The following IMMP1L variants were observed in gnomAD, a reference collection of about 807,000 sequenced individuals.
IMMP1L encodes mitochondrial inner membrane protease subunit 1.
A neutral mutation model predicts 21.8 loss-of-function variants in IMMP1L; 24 were observed. The ratio of observed to expected loss-of-function variants is 1.10; its 90% CI spans 0.80 to 1.55. The LOEUF is 1.55. Among genes scored for constraint, IMMP1L ranks in the 40% most tolerant of loss-of-function variants. IMMP1L has a pLI of 0.00. For synonymous variants in IMMP1L, 46 were observed against 62.8 expected, an observed-to-expected ratio of 0.73 and a Z score of 1.26; for missense variants, 195 against 200.7, an observed-to-expected ratio of 0.97 and a Z score of 0.17.
chr11:31,439,099 G>C (rs1001907318), intron 4 of IMMP1L, among the ~76,000 whole-genome samples: 5 of 151,902 alleles, frequency 3.3e-5, no homozygotes, highest in African/African-American at 7.3e-5. Context: ...TGTCTTCCCT[G>C]GTTTGATTTT....
chr11:31,461,961 T>C (rs1055376731), intron 2 of IMMP1L, among the ~76,000 whole-genome samples: 1 of 152,088 alleles, frequency 6.6e-6, no homozygotes, highest in African/African-American at 2.4e-5. Flanking sequence ...TAGGAGGAAA[T>C]ACAATTACAG....
intron 1 of IMMP1L, among the ~76,000 whole-genome samples, chr11:31,469,182 T>A (rs866501307): frequency 6.6e-6 from 1 of 152,082 alleles, no homozygotes; most frequent in Non-Finnish European, 1.5e-5. Context: ...CCAAAGATTA[T>A]AAGCATGCTA....
chr11:31,500,580 C>G (rs534112495), intron 1 of IMMP1L, among the ~76,000 whole-genome samples: 9 of 147,954 alleles, frequency 6.1e-5, no homozygotes, highest in African/African-American at 2.3e-4. Context: ...CTCCAAAAAT[C>G]TGTTCCACAT....
chr11:31,494,804 C>T (rs1955380406), intron 1 of IMMP1L, among the ~76,000 whole-genome samples: 1 of 152,108 alleles, frequency 6.6e-6, no homozygotes, highest in Admixed American at 6.6e-5. Context: ...CGCCACCACG[C>T]CCAGCTAATT....
At chr11:31,435,348 TG>T (rs1251810823) in intron 4 of IMMP1L, among the ~76,000 whole-genome samples, 1 of 152,154 alleles carries the variant, frequency 6.6e-6, no homozygotes, top group African/African-American at 2.4e-5. Context: ...CAGCCTTGCT[TG>T]GGGCCCTACA....
intron 2 of IMMP1L, 35 bp downstream of exon 2, chr11:31,463,137 A>G: frequency 6.5e-7 from 1 of 1,529,398 alleles, no homozygotes; most frequent in Non-Finnish European, 8.9e-7. Context: ...GAAAGTATAT[A>G]TTTAAGATGA....
chr11:31,469,338 A>G (rs1954467834), intron 1 of IMMP1L, among the ~76,000 whole-genome samples: 1 of 152,214 alleles, frequency 6.6e-6, no homozygotes, highest in African/African-American at 2.4e-5. Context: ...ACACTTTAAA[A>G]TAACTATGAT....
intron 4 of IMMP1L, among the ~76,000 whole-genome samples, chr11:31,448,631 C>T (rs1953622885): frequency 6.6e-6 from 1 of 152,186 alleles, no homozygotes; most frequent in Non-Finnish European, 1.5e-5. Flanking sequence ...GTGAGCAACA[C>T]ATACAAATTT....
intron 1 of IMMP1L, among the ~76,000 whole-genome samples, chr11:31,487,214 A>G (rs1279549391): frequency 1.3e-5 from 2 of 151,976 alleles, no homozygotes; most frequent in African/African-American, 4.8e-5. Flanking sequence ...TTTAATAAGG[A>G]AGAAATAAGT....
At chr11:31,486,057 CTT>C (rs941684097) in intron 1 of IMMP1L, among the ~76,000 whole-genome samples, 1 of 144,014 alleles carries the variant, frequency 6.9e-6, no homozygotes, top group African/African-American at 2.5e-5. Context: ...TTTTTTTTCC[CTT>C]TTTTTTTTTG....
At chr11:31,501,114 G>A (rs1049812635) in intron 1 of IMMP1L, among the ~76,000 whole-genome samples, 4 of 152,198 alleles carry the variant, frequency 2.6e-5, no homozygotes, top group Admixed American at 1.3e-4. Flanking sequence ...GTACTGGACA[G>A]TGCAGATACA....
At chr11:31,448,172 G>C (rs1307797224) in intron 4 of IMMP1L, among the ~76,000 whole-genome samples, 1 of 152,148 alleles carries the variant, frequency 6.6e-6, no homozygotes, top group Non-Finnish European at 1.5e-5. Context: ...AGCCGGGCAT[G>C]GTGGCAAGCG....
At chr11:31,465,331 T>C (rs563624950) in intron 1 of IMMP1L, among the ~76,000 whole-genome samples, 44 of 152,180 alleles carry the variant, frequency 2.9e-4, no homozygotes, top group African/African-American at 9.4e-4. Flanking sequence ...AGACAGCCCA[T>C]ACTCATGGAT....
intron 1 of IMMP1L, among the ~76,000 whole-genome samples, chr11:31,492,541 G>A (rs1163918814): frequency 1.3e-5 from 2 of 152,086 alleles, no homozygotes; most frequent in Non-Finnish European, 2.9e-5. Context: ...CCTACCTCTT[G>A]GCCTGTCTCA....
intron 4 of IMMP1L, among the ~76,000 whole-genome samples, chr11:31,441,085 G>A (rs1953309933): frequency 6.6e-6 from 1 of 152,090 alleles, no homozygotes; most frequent in Non-Finnish European, 1.5e-5. Flanking sequence ...GTGTATAACT[G>A]TAAAATTTTT....
chr11:31,507,062 G>A (rs1402891468), intron 1 of IMMP1L, among the ~76,000 whole-genome samples: 5 of 151,814 alleles, frequency 3.3e-5, no homozygotes, highest in Admixed American at 1.3e-4. Context: ...GGCGGATCAC[G>A]AGGTCAGGAG....
chr11:31,471,633 T>C (rs536963849), intron 1 of IMMP1L, among the ~76,000 whole-genome samples: 1 of 152,172 alleles, frequency 6.6e-6, no homozygotes, highest in African/African-American at 2.4e-5. Context: ...AAAATATGAG[T>C]TAACATACTG....
intron 1 of IMMP1L, among the ~76,000 whole-genome samples, chr11:31,497,600 T>C (rs1955493124): frequency 6.6e-6 from 1 of 152,060 alleles, no homozygotes; most frequent in Non-Finnish European, 1.5e-5. Context: ...TAGCTGGGAC[T>C]AGAGGCACGC....
At chr11:31,474,580 C>G (rs1012040549) in intron 1 of IMMP1L, among the ~76,000 whole-genome samples, 5 of 152,028 alleles carry the variant, frequency 3.3e-5, no homozygotes, top group African/African-American at 1.2e-4. Context: ...CACCTGTAGT[C>G]CCAGCTACTT....
Sources: allele counts gnomAD v4.1 joint callset (sites outside exome capture counted in the v4.1 genomes callset), GRCh38; gene constraint gnomAD v4.1.1; transcripts MANE v1.5; gene names NCBI Gene and HGNC (gene_info 2026-07-23, HGNC 2026-07-21).